ATXN1: variants seen among roughly 807,000 people sequenced by gnomAD.
ATXN1 encodes the protein ataxin-1.
In ATXN1, 8 loss-of-function variants were observed where a neutral mutation model predicts 56.4. The observed-to-expected ratio is 0.14, with a 90% CI of 0.08 to 0.26. The LOEUF (loss-of-function observed/expected upper bound fraction) is 0.26, where lower values mean the gene tolerates loss of function less well. ATXN1 is among the 10% of genes least tolerant of loss of function. The probability of loss-of-function intolerance (pLI) is 1.00; values close to 1 mark genes in which losing one functional copy is unlikely to be tolerated. For synonymous variants in ATXN1, 514 were observed against 494.6 expected, an observed-to-expected ratio of 1.04 and a Z score of -0.52; for missense variants, 987 against 1,106.5, an observed-to-expected ratio of 0.89 and a Z score of 1.53.
chr6:16,330,389 C>CT (rs1760954560), intron 6 of ATXN1, among the ~76,000 whole-genome samples: 2 of 125,892 alleles, frequency 1.6e-5, no homozygotes, highest in Non-Finnish European at 1.7e-5. Flanking sequence ...TTCCTTCCTT[C>CT]CTTTTTTTTT....
rs986611043 is a variant in ATXN1 at position 16,301,972 on chromosome 6, T to TACA, written c.*4354_*4356dup. 3 of 152,606 alleles carry TACA rather than the reference T, an allele frequency of 2.0e-5. No individual in the cohort carries two copies. The highest frequency in any genetic ancestry group is 7.2e-5 in the African/African-American group (3 of 41,430). 9.5% of individuals were successfully genotyped at this position (152,606 alleles called of 1,614,324 possible). On this transcript the variant is annotated 3_prime_UTR_variant, in exon 8 of 8. Coordinates refer to ENST00000436367, the MANE Select transcript of ATXN1 (RefSeq NM_001128164.2). The stretch of plus-strand genomic sequence containing the variant: ...AACAAAACAAAACAAAATCCAGAGC[T>TACA]ACAACAACAAAAATAAATTTTGGCA...
chr6:16,492,689 T>G (rs1760693529), intron 5 of ATXN1, among the ~76,000 whole-genome samples: 1 of 152,024 alleles, frequency 6.6e-6, no homozygotes, highest in African/African-American at 2.4e-5. Context: ...CCTCTGCAGT[T>G]TTTTGCTCTC....
At chr6:16,683,049 A>T (rs2113403743) in intron 2 of ATXN1, among the ~76,000 whole-genome samples, 1 of 152,304 alleles carries the variant, frequency 6.6e-6, no homozygotes, top group Admixed American at 6.5e-5. Context: ...CCAACCAGGG[A>T]GTTGATGAGA....
At chr6:16,386,153 A>T (rs1581728279) in intron 6 of ATXN1, among the ~76,000 whole-genome samples, 2 of 152,220 alleles carry the variant, frequency 1.3e-5, no homozygotes, top group East Asian at 3.8e-4. Context: ...TCCAGCAAAG[A>T]AGCCACAATT....
intron 4 of ATXN1, among the ~76,000 whole-genome samples, chr6:16,528,748 G>C (rs1345024857): frequency 6.6e-6 from 1 of 152,148 alleles, no homozygotes; most frequent in Non-Finnish European, 1.5e-5. Flanking sequence ...CTCAAGAAAA[G>C]TAACCTAACC....
At chr6:16,687,657 TACACAC>T (rs57034032) in intron 2 of ATXN1, among the ~76,000 whole-genome samples, 45,122 of 143,292 alleles carry the variant, frequency 0.31, 6,926 homozygotes, top group Non-Finnish European at 0.34. Context: ...AAAGAAGAAA[TACACAC>T]ACACACACAC....
chr6:16,565,122 G>T (rs1429517967), intron 4 of ATXN1, among the ~76,000 whole-genome samples: 1 of 152,076 alleles, frequency 6.6e-6, no homozygotes, highest in Admixed American at 6.5e-5. Context: ...TGAGCATAGT[G>T]GTTAAAAATC....
chr6:16,373,978 A>G lies in ATXN1; in HGVS notation c.-160-45508T>C, dbSNP rs190754188. Among the ~76,000 whole-genome samples the G allele has an allele frequency of 3.3e-5, 5 of 152,320 alleles. No homozygotes were observed. The East Asian group carries it at 9.6e-4, about 29-fold the overall frequency. The stretch of plus-strand genomic sequence containing the variant: ...ACCTGGTTGCAGACCAACATGTTAT[A>G]TCAATGTTCTGTAAATAGGCACATG... On this transcript the variant is annotated intron_variant, in intron 6 of 7. Coordinates refer to ENST00000436367, the MANE Select transcript of ATXN1 (RefSeq NM_001128164.2).
At chr6:16,476,906 G>A (rs1356559484) in intron 6 of ATXN1, among the ~76,000 whole-genome samples, 2 of 152,180 alleles carry the variant, frequency 1.3e-5, no homozygotes, top group East Asian at 3.8e-4. Context: ...CACCCTAAAT[G>A]TCTTTCCCAT....
intron 7 of ATXN1, among the ~76,000 whole-genome samples, chr6:16,313,054 T>A (rs2113384190): frequency 6.6e-6 from 1 of 152,132 alleles, no homozygotes; most frequent in African/African-American, 2.4e-5. Flanking sequence ...ATTTTTGTAT[T>A]TTTTAGTAGA....
At chr6:16,682,113 C>T (rs545168070) in intron 2 of ATXN1, among the ~76,000 whole-genome samples, 27 of 152,190 alleles carry the variant, frequency 1.8e-4, no homozygotes, top group African/African-American at 5.1e-4. Context: ...TAAGGAATTT[C>T]CCTTCTTCTT....
intron 2 of ATXN1, among the ~76,000 whole-genome samples, chr6:16,705,093 C>T (rs1160544903): frequency 2.0e-5 from 3 of 152,186 alleles, no homozygotes; most frequent in East Asian, 3.9e-4. Context: ...GAATATGACA[C>T]GATTGCCCAC....
rs184631925 is a variant in ATXN1 at position 16,706,017 on chromosome 6, C to T, written c.-615+47216G>A. 1.1e-4 allele frequency among the ~76,000 whole-genome samples: 16 copies of T among 152,166 alleles called. No individual in the cohort carries two copies. The East Asian group carries it at 1.5e-3, about 15-fold the overall frequency. ...TGATCGAGACCCTGAGCCCCTCTAG[C>T]GGTGTCAGGCCTGCCTCACTATGGA... is the stretch of plus-strand genomic sequence containing the variant. On this transcript the variant is annotated intron_variant, in intron 2 of 7. Coordinates refer to ENST00000436367, the MANE Select transcript of ATXN1 (RefSeq NM_001128164.2).
At chr6:16,401,449 T>A (rs895479117) in intron 6 of ATXN1, among the ~76,000 whole-genome samples, 31 of 151,900 alleles carry the variant, frequency 2.0e-4, no homozygotes, top group African/African-American at 7.5e-4. Context: ...ATTTAAAAAT[T>A]TAAAAAAAAT....
At chr6:16,559,302 T>C (rs1289631673) in intron 4 of ATXN1, among the ~76,000 whole-genome samples, 1 of 151,188 alleles carries the variant, frequency 6.6e-6, no homozygotes, top group Non-Finnish European at 1.5e-5. Context: ...CTTGCTGACA[T>C]ACAACATGCT....
chr6:16,505,012 G>GTTTTTTTTTTTTTTTTTTTTTTTTTTTT (rs1760956500), intron 5 of ATXN1, among the ~76,000 whole-genome samples: 1 of 103,588 alleles, frequency 9.7e-6, no homozygotes, highest in African/African-American at 4.6e-5. Flanking sequence ...TTTTTTTTTA[G>GTTTTTTTTTTTTTTTTTTTTTTTTTTTT]CTTTAGCTCT....
chr6:16,411,125 CAAAAAAAAA>C (rs746717153), intron 6 of ATXN1, among the ~76,000 whole-genome samples: 1 of 80,682 alleles, frequency 1.2e-5, no homozygotes, highest in Non-Finnish European at 2.4e-5. Context: ...ACCTCTGTGT[CAAAAAAAAA>C]AAAAAAAAAA....
chr6:16,617,916 A>G (rs932013805), intron 3 of ATXN1, among the ~76,000 whole-genome samples: 1 of 152,164 alleles, frequency 6.6e-6, no homozygotes, highest in Non-Finnish European at 1.5e-5. Context: ...ACAAAAGTTC[A>G]TTGAATCCTC....
At chr6:16,399,973 C>A (rs1411666068) in intron 6 of ATXN1, among the ~76,000 whole-genome samples, 4 of 152,158 alleles carry the variant, frequency 2.6e-5, no homozygotes, top group Admixed American at 6.5e-5. Flanking sequence ...TAAACGCTAG[C>A]CTCACCATGG....
Sources: gnomAD v4.1 joint callset for allele counts (sites outside exome capture counted in the v4.1 genomes callset) on GRCh38, gnomAD v4.1.1 for gene constraint, MANE v1.5 for transcripts, NCBI Gene and HGNC (gene_info 2026-07-23, HGNC 2026-07-21) for gene names.